The following RFX4 variants were observed in gnomAD, a reference collection of about 807,000 sequenced individuals.
RFX4 encodes regulatory factor X4.
Under a neutral mutation model 95.0 loss-of-function variants are expected in RFX4, and 10 were observed. The ratio of observed to expected loss-of-function variants is 0.11; its 90% CI spans 0.06 to 0.18. RFX4 has a LOEUF of 0.18. RFX4 is among the 10% of genes least tolerant of loss of function. The pLI is 1.00. For missense variants in RFX4, 640 were observed against 922.0 expected (o/e 0.69, Z 3.96); for synonymous variants, 321 against 340.7 (o/e 0.94, Z 0.64).
chr12:106,679,040 C>T (rs1211204708), intron 4 of RFX4, among the ~76,000 whole-genome samples: 1 of 152,166 alleles, frequency 6.6e-6, no homozygotes, highest in African/African-American at 2.4e-5. Flanking sequence ...TAAAAACGCT[C>T]TGGGGAAGGG....
At chr12:106,737,519 G>C (rs1265804130) in intron 15 of RFX4, among the ~76,000 whole-genome samples, 6 of 151,984 alleles carry the variant, frequency 3.9e-5, no homozygotes, top group African/African-American at 1.2e-4. Context: ...AGAGGCAAGA[G>C]AGAGCATGTT....
In RFX4 at chr12:106,715,471, G is replaced by C. The variant is rs1312943863; in HGVS notation, c.1065G>C (p.Leu355=). 1 of 1,614,188 alleles carries C rather than the reference G, an allele frequency of 6.2e-7. No individual in the cohort carries two copies. The highest frequency in any genetic ancestry group is 1.1e-5 in the South Asian group (1 of 91,080). Residue 355 remains leucine (L), a synonymous_variant, in exon 11 of 18, where the codon CTG becomes CTC. Transcript: ENST00000392842. The part of the protein sequence containing the change: ...QMLEDWRNVD[L]NSITKQTLYT... ...TGGAAGACTGGAGGAACGTGGACCT[G>C]AACAGCATCACCAAGCAAACCCTTT...
chr12:106,710,433 G>A (rs1371052704), intron 9 of RFX4, among the ~76,000 whole-genome samples: 1 of 152,060 alleles, frequency 6.6e-6, no homozygotes, highest in Non-Finnish European at 1.5e-5. Context: ...AAGGATTAAC[G>A]ATTGATCAGC....
At chr12:106,686,776 G>T in intron 5 of RFX4, 108 bp from the exon 6 acceptor site, 2 of 995,414 alleles carry the variant, frequency 2.0e-6, no homozygotes, top group Non-Finnish European at 3.0e-6. Context: ...AGCTTTCCTT[G>T]GCCTTGGGCA....
chr12:106,616,927 A>ATTTTTGTATTTTT (rs1207891613), intron 2 of RFX4, among the ~76,000 whole-genome samples: 1 of 150,730 alleles, frequency 6.6e-6, no homozygotes, highest in East Asian at 1.9e-4. Context: ...TGCCCGGCTA[A>ATTTTTGTATTTTT]TTTTTGTATT....
At chr12:106,686,523 C>A (rs1394491646) in intron 5 of RFX4, among the ~76,000 whole-genome samples, 1 of 152,082 alleles carries the variant, frequency 6.6e-6, no homozygotes, top group African/African-American at 2.4e-5. Flanking sequence ...TGGGTCCCCA[C>A]AGAGAAGGGA....
intron 8 of RFX4, among the ~76,000 whole-genome samples, chr12:106,698,456 A>G (rs1432413340): frequency 2.0e-5 from 3 of 152,122 alleles, no homozygotes; most frequent in Non-Finnish European, 2.9e-5. Context: ...TTTAAAAAAA[A>G]AATTTGTAGA....
chr12:106,719,463 C>G (rs2042356684), intron 11 of RFX4, among the ~76,000 whole-genome samples: 1 of 152,150 alleles, frequency 6.6e-6, no homozygotes, highest in African/African-American at 2.4e-5. Context: ...ATGAAGATAT[C>G]AGACAAAGAA....
intron 17 of RFX4, among the ~76,000 whole-genome samples, chr12:106,758,471 T>G (rs970554742): frequency 1.3e-5 from 2 of 152,222 alleles, no homozygotes; most frequent in African/African-American, 4.8e-5. Context: ...ACACAACTTC[T>G]GAGCACAGCT....
rs180718828 is a variant in RFX4, at chr12:106,654,306, C to T, written c.270C>T (p.Cys90=). The T allele has an allele frequency of 1.1e-5, 18 of 1,613,960 alleles. No individual in the cohort carries two copies. The highest frequency in any genetic ancestry group is 3.3e-5 in the Admixed American group (2 of 60,014). ...TCTATATGCATTACCTGGATTTCTG[C>T]GAGAAGAATGATACCCAACCTGTCA... ...SALYMHYLDF[C]EKNDTQPVNA... Residue 90 remains cysteine (C), a synonymous_variant, in exon 4 of 18, where the codon TGC becomes TGT. Coordinates refer to ENST00000392842, the MANE Select transcript of RFX4 (RefSeq NM_213594.3).
intron 17 of RFX4, among the ~76,000 whole-genome samples, chr12:106,754,309 AC>A (rs771667259): frequency 2.5e-4 from 38 of 152,184 alleles, no homozygotes; most frequent in Non-Finnish European, 4.9e-4. Flanking sequence ...CCACTGCATG[AC>A]TGAGAACGGC....
chr12:106,751,572 A>G (rs932668547), intron 17 of RFX4, among the ~76,000 whole-genome samples: 42 of 144,962 alleles, frequency 2.9e-4, no homozygotes, highest in African/African-American at 1.0e-3. Context: ...AAGTGTTCCT[A>G]TTTCTCCACA....
Position 106,655,913 on chromosome 12 carries a change from T to G in RFX4, c.315+1562T>G, listed in dbSNP as rs138460807. ...GAATTCTGCATGAGATGTCTGTGCA[T>G]GGACATAAACAGACATTTGTTAGCT... On this transcript the variant is annotated intron_variant, in intron 4 of 17. Coordinates refer to ENST00000392842, the MANE Select transcript of RFX4 (RefSeq NM_213594.3). Among the ~76,000 whole-genome samples, 1,210 of 152,334 alleles carry G rather than the reference T, an allele frequency of 7.9e-3. 23 individuals are homozygous for G. The highest frequency in any genetic ancestry group is 0.028 in the African/African-American group (1,153 of 41,570).
intron 10 of RFX4, chr12:106,715,075 G>T (rs1192981676): frequency 2.0e-5 from 4 of 203,594 alleles, no homozygotes; most frequent in Non-Finnish European, 4.0e-5. Context: ...ACATCAGAAA[G>T]CTGACAGATC....
At chr12:106,597,682 A>G (rs1382007318) in intron 1 of RFX4, among the ~76,000 whole-genome samples, 4 of 152,168 alleles carry the variant, frequency 2.6e-5, no homozygotes, top group African/African-American at 7.2e-5. Flanking sequence ...CATGGTCTTA[A>G]CTATTATACT....
chr12:106,640,713 G>A (rs1046510107), intron 3 of RFX4, among the ~76,000 whole-genome samples: 6 of 151,282 alleles, frequency 4.0e-5, no homozygotes, highest in Admixed American at 2.0e-4. Flanking sequence ...CCAAGACATC[G>A]AATGAGGCAT....
At chr12:106,614,905 G>A (rs1033072494) in intron 2 of RFX4, among the ~76,000 whole-genome samples, 6 of 152,022 alleles carry the variant, frequency 3.9e-5, no homozygotes, top group African/African-American at 1.4e-4. Context: ...ATATTTGTCA[G>A]GTAAAAGTAT....
At chr12:106,665,479 T>C (rs960610733) in intron 4 of RFX4, among the ~76,000 whole-genome samples, 1 of 151,920 alleles carries the variant, frequency 6.6e-6, no homozygotes, top group African/African-American at 2.4e-5. Context: ...TAGACCATGA[T>C]CTTCGAAGTA....
Position 106,761,188 on chromosome 12 carries a change from C to T in RFX4, c.1936-9C>T. On this transcript the variant is annotated splice_polypyrimidine_tract_variant and intron_variant, in intron 17 of 17. Coordinates refer to ENST00000392842, the MANE Select transcript of RFX4 (RefSeq NM_213594.3). ...TTTAACTTTGTGGAATTTCTTTCCC[C>T]TCAACAAGTACCCTTTTAATAGCCC... The T allele has an allele frequency of 6.2e-7, 1 of 1,604,442 alleles. No homozygotes were observed. Among genetic ancestry groups the T allele is most frequent in the Non-Finnish European group, 8.5e-7 (1 of 1,172,190 alleles).
Sources: allele counts gnomAD v4.1 joint callset (sites outside exome capture counted in the v4.1 genomes callset), GRCh38; gene constraint gnomAD v4.1.1; transcripts MANE v1.5; gene names NCBI Gene and HGNC (gene_info 2026-07-23, HGNC 2026-07-21).